CDIP1: variants seen among roughly 807,000 people sequenced by gnomAD.
CDIP1 encodes cell death-inducing p53-target protein 1.
In CDIP1, 9 loss-of-function variants were observed where a neutral mutation model predicts 17.7. The observed-to-expected ratio is 0.51, with a 90% CI of 0.31 to 0.89. The LOEUF is 0.89. Ranked by LOEUF, CDIP1 falls within the 40% of genes least tolerant of loss-of-function variation. CDIP1 has a pLI of 0.05. For synonymous variants in CDIP1, 117 were observed against 109.5 expected (o/e 1.07, Z -0.43); for missense variants, 263 against 277.9 (o/e 0.95, Z 0.38).
At chr16:4,518,062 G>A (rs1371261531) in intron 1 of CDIP1, among the ~76,000 whole-genome samples, 1 of 152,126 alleles carries the variant, frequency 6.6e-6, no homozygotes, top group Non-Finnish European at 1.5e-5. Flanking sequence ...CCAGGCCCTG[G>A]GATGCTCTGA....
chr16:4,530,282 T>A (rs1442961423), intron 1 of CDIP1, among the ~76,000 whole-genome samples: 1 of 152,240 alleles, frequency 6.6e-6, no homozygotes, highest in Non-Finnish European at 1.5e-5. Flanking sequence ...TTAGTTGGCA[T>A]CTGACCCTAA....
chr16:4,520,339 G>C (rs529034899), intron 1 of CDIP1, among the ~76,000 whole-genome samples: 8 of 152,080 alleles, frequency 5.3e-5, no homozygotes, highest in Non-Finnish European at 1.0e-4. Context: ...TCTTGACCTC[G>C]TCATCTGCCC....
At chr16:4,529,092 C>G (rs1372918519) in intron 1 of CDIP1, among the ~76,000 whole-genome samples, 1 of 152,170 alleles carries the variant, frequency 6.6e-6, no homozygotes, top group Non-Finnish European at 1.5e-5. Context: ...GCAGAGCAAG[C>G]CAGAGGCCTG....
At chr16:4,531,012 T>C (rs1053803749) in intron 1 of CDIP1, among the ~76,000 whole-genome samples, 3 of 151,860 alleles carry the variant, frequency 2.0e-5, no homozygotes, top group African/African-American at 7.3e-5. Flanking sequence ...CACGTCATGA[T>C]TGGGACTGCC....
rs1314092792 is a variant in CDIP1, at chr16:4,510,916, A to T, written c.*1656T>A. 1 of 152,276 alleles carries T rather than the reference A, an allele frequency of 6.6e-6. No homozygotes were observed. The highest frequency in any genetic ancestry group is 2.4e-5 in the African/African-American group (1 of 41,464). 9.4% of individuals were successfully genotyped at this position (152,276 alleles called of 1,614,324 possible). ...TGTTAGTCTTCTGCCTGTCAGCCTC[A>T]GCCCAGTCTGTGTTGCTTAAGGGTG... On this transcript the variant is annotated 3_prime_UTR_variant, in exon 6 of 6. Coordinates refer to ENST00000567695, the MANE Select transcript of CDIP1 (RefSeq NM_013399.3).
chr16:4,534,052 G>A (rs771618973), intron 1 of CDIP1, among the ~76,000 whole-genome samples: 70 of 152,020 alleles, frequency 4.6e-4, no homozygotes, highest in Non-Finnish European at 8.2e-4. Flanking sequence ...CCGAGTTCAA[G>A]CAATTCTCCT....
intron 1 of CDIP1, chr16:4,536,908 G>A (rs546741485): frequency 6.5e-4 from 99 of 152,262 alleles, no homozygotes; most frequent in African/African-American, 2.3e-3. Flanking sequence ...CTCCAGCCTG[G>A]GCCACAGAGC....
At chr16:4,531,051 A>G (rs888358720) in intron 1 of CDIP1, among the ~76,000 whole-genome samples, 1 of 151,658 alleles carries the variant, frequency 6.6e-6, no homozygotes, top group Non-Finnish European at 1.5e-5. Flanking sequence ...ATATTTCTCT[A>G]TGACTCAGAC....
chr16:4,516,088 C>A (rs190201254), intron 1 of CDIP1, among the ~76,000 whole-genome samples: 1 of 152,108 alleles, frequency 6.6e-6, no homozygotes. Flanking sequence ...GAAGACGATT[C>A]GGCTATAAAA....
intron 1 of CDIP1, among the ~76,000 whole-genome samples, chr16:4,520,403 G>T (rs757448515): frequency 7.9e-5 from 12 of 152,252 alleles, no homozygotes; most frequent in African/African-American, 2.9e-4. Flanking sequence ...GCACTTGACC[G>T]ACAAGTGGTA....
intron 1 of CDIP1, among the ~76,000 whole-genome samples, chr16:4,535,903 G>GA (rs1466940805): frequency 4.6e-5 from 7 of 152,338 alleles, no homozygotes; most frequent in African/African-American, 1.7e-4. Context: ...GGCAGAGACA[G>GA]AAACAGAAAC....
chr16:4,530,578 G>C (rs2059045168), intron 1 of CDIP1, among the ~76,000 whole-genome samples: 1 of 152,052 alleles, frequency 6.6e-6, no homozygotes, highest in South Asian at 2.1e-4. Flanking sequence ...GAACCCACGA[G>C]GTGGAGCTTG....
chr16:4,528,106 C>T (rs1596494104), intron 1 of CDIP1, among the ~76,000 whole-genome samples: 1 of 152,306 alleles, frequency 6.6e-6, no homozygotes, highest in Middle Eastern at 3.4e-3. Context: ...CATGAGCCAC[C>T]ATGCCTGGCC....
At chr16:4,529,355 CG>C (rs939158035) in intron 1 of CDIP1, among the ~76,000 whole-genome samples, 5 of 152,204 alleles carry the variant, frequency 3.3e-5, no homozygotes, top group South Asian at 2.1e-4. Flanking sequence ...ATAATAAAAA[CG>C]AGTGATAGAG....
chr16:4,521,251 T>C (rs1347332715), intron 1 of CDIP1, among the ~76,000 whole-genome samples: 1 of 152,078 alleles, frequency 6.6e-6, no homozygotes, highest in Non-Finnish European at 1.5e-5. Context: ...CAAAGAGGCA[T>C]GGTAACAAAT....
chr16:4,522,594 T>G (rs554676245), intron 1 of CDIP1: 1 of 152,258 alleles, frequency 6.6e-6, no homozygotes, highest in African/African-American at 2.4e-5. Context: ...AGGTGCCCAC[T>G]GCTCCATGAG....
chr16:4,517,649 G>A (rs1207207337), intron 1 of CDIP1, among the ~76,000 whole-genome samples: 1 of 152,014 alleles, frequency 6.6e-6, no homozygotes, highest in African/African-American at 2.4e-5. Context: ...GCTGAGGCAG[G>A]AGGATCACCT....
At position 4,512,898 on chromosome 16, in the gene CDIP1, C is replaced by T. The variant is rs778136575; in HGVS notation, c.408G>A (p.Ala136=). 10 of 1,569,202 alleles carry T rather than the reference C, an allele frequency of 6.4e-6. No homozygotes were observed. The highest frequency in any genetic ancestry group is 1.9e-5 in the Admixed American group (1 of 52,004). The change falls in exon 5 of 6, where the codon GCG becomes GCA. Residue 136 remains alanine (A), a synonymous_variant. Coordinates refer to ENST00000567695, the MANE Select transcript of CDIP1 (RefSeq NM_013399.3). This position sits in a 1 kb window ranked among gnomAD's most constrained non-coding sequence, Gnocchi z 4.6. ...TVLQGEIFEG[A]PVQTVCPHCQ... is the part of the protein sequence containing the mutation. The stretch of plus-strand genomic sequence containing the variant: ...AGTGGGGACACACCGTCTGCACAGG[C>T]GCTCCCTCAAAGATCTCTCCCTGCA...
intron 1 of CDIP1, among the ~76,000 whole-genome samples, chr16:4,531,915 C>T (rs984069488): frequency 7.2e-5 from 11 of 152,254 alleles, no homozygotes; most frequent in African/African-American, 1.4e-4. Flanking sequence ...TGGCAGTGCC[C>T]GGTCCCCTGC....
Sources: gnomAD v4.1 joint callset for allele counts (sites outside exome capture counted in the v4.1 genomes callset) on GRCh38, gnomAD v4.1.1 for gene constraint, Gnocchi (gnomAD v3.1) non-coding constraint, MANE v1.5 for transcripts, NCBI Gene and HGNC (gene_info 2026-07-23, HGNC 2026-07-21) for gene names.